FBXO9: variants seen among roughly 807,000 people sequenced by gnomAD.
The protein encoded by FBXO9 is F-box only protein 9.
In FBXO9, 43 loss-of-function variants were observed where a neutral mutation model predicts 63.7. The ratio of observed to expected loss-of-function variants is 0.67; its 90% CI spans 0.53 to 0.87. The LOEUF (loss-of-function observed/expected upper bound fraction) is 0.87. FBXO9 is among the 40% of genes least tolerant of loss of function. The probability of loss-of-function intolerance (pLI) is 0.00; values close to 1 mark genes in which losing one functional copy is unlikely to be tolerated. For synonymous variants in FBXO9, 156 were observed against 171.7 expected (o/e 0.91, Z 0.72); for missense variants, 442 against 533.2 (o/e 0.83, Z 1.68).
At chr6:53,070,416 C>A (rs949884475) in intron 1 of FBXO9, among the ~76,000 whole-genome samples, 2 of 152,064 alleles carry the variant, frequency 1.3e-5, no homozygotes, top group African/African-American at 4.8e-5. Context: ...AATCATAAAT[C>A]ATTTATGAAT....
In FBXO9 at chr6:53,095,715, G is replaced by A. The variant is rs1378965714; in HGVS notation, c.1205+51G>A. ...AGGTTACACTATAAATGTATACTTCGTATCCAGCTTAAGAATTTCAGATAT... is the reference window on the plus strand; with the variant it reads ...AGGTTACACTATAAATGTATACTTCATATCCAGCTTAAGAATTTCAGATAT... On this transcript the variant is annotated intron_variant, in intron 12 of 12. Coordinates refer to ENST00000323557, the MANE Select transcript of FBXO9 (RefSeq NM_033480.3). 12 of 1,461,506 alleles carry A rather than the reference G, an allele frequency of 8.2e-6. No homozygotes were observed. In the South Asian group the frequency reaches 9.3e-5, roughly 11 times the overall value. 90.5% of individuals were successfully genotyped at this position (1,461,506 alleles called of 1,614,324 possible).
intron 4 of FBXO9, among the ~76,000 whole-genome samples, chr6:53,078,460 A>C (rs1025714476): frequency 6.6e-6 from 1 of 152,186 alleles, no homozygotes; most frequent in Admixed American, 6.5e-5. Context: ...CCTTGTCTTA[A>C]AAAAGAGAGA....
intron 7 of FBXO9, among the ~76,000 whole-genome samples, chr6:53,089,184 C>G (rs528647635): frequency 6.6e-6 from 1 of 152,052 alleles, no homozygotes; most frequent in African/African-American, 2.4e-5. Flanking sequence ...ACACCATTCT[C>G]CTGCCTCAGC....
intron 1 of FBXO9, among the ~76,000 whole-genome samples, chr6:53,069,374 G>T (rs1240609377): frequency 1.3e-5 from 2 of 152,100 alleles, no homozygotes; most frequent in Non-Finnish European, 2.9e-5. Context: ...TCTGTTTTGG[G>T]ACTTGTAGAA....
intron 1 of FBXO9, 147 bp from the exon 2 acceptor site, chr6:53,070,910 C>T (rs1768893093): frequency 1.6e-5 from 21 of 1,288,934 alleles, no homozygotes; most frequent in African/African-American, 3.0e-5. Context: ...GTCTCAAGTG[C>T]CCCCTACAGC....
chr6:53,078,835 CT>C lies in FBXO9; in HGVS notation c.345del (p.Asp116IlefsTer2). The C allele has an allele frequency of 6.2e-7, 1 of 1,613,716 alleles. No individual in the cohort carries two copies. Among genetic ancestry groups the C allele is most frequent in the Non-Finnish European group, 8.5e-7 (1 of 1,179,688 alleles). ...KFYRRAMQLV[P>X]DIEFKITYTR... is the part of the protein sequence containing the mutation. The stretch of plus-strand genomic sequence containing the variant: ...TATCGTAGGGCTATGCAACTTGTAC[CT>C]GATATAGAGTTCAAGATTACTTATA... On this transcript the variant is annotated frameshift_variant, in exon 5 of 13. Transcript: ENST00000323557. LOFTEE classifies it high-confidence loss of function.
rs918192390 is a variant in FBXO9, at chr6:53,097,962, A to G, written c.*132A>G. 30 of 146,378 alleles carry G rather than the reference A, an allele frequency of 2.0e-4. 3 individuals are homozygous for G. The highest frequency in any genetic ancestry group is 7.0e-4 in the South Asian group (3 of 4,314). The allele number at this position is 146,378 out of a possible 1,614,324, so 9.1% of individuals were successfully genotyped here. ...TATATATATATATATATATATATATATATATATATATATGGAATTGGAACT... is the reference window on the plus strand; with the variant it reads ...TATATATATATATATATATATATATGTATATATATATATGGAATTGGAACT... On this transcript the variant is annotated 3_prime_UTR_variant, in exon 13 of 13. Coordinates refer to ENST00000323557, the MANE Select transcript of FBXO9 (RefSeq NM_033480.3).
At chr6:53,096,594 T>C (rs1296585029) in intron 12 of FBXO9, among the ~76,000 whole-genome samples, 2 of 152,196 alleles carry the variant, frequency 1.3e-5, no homozygotes, top group African/African-American at 4.8e-5. Flanking sequence ...GTGGGATTTT[T>C]TTTTTCTACT....
chr6:53,066,099 C>G, intron 1 of FBXO9: 1 of 1,184,154 alleles, frequency 8.4e-7, no homozygotes, highest in Admixed American at 4.5e-5. Flanking sequence ...TATATTGAAC[C>G]AGTCTCGGTC....
At chr6:53,075,952 C>T (rs780019026) in intron 3 of FBXO9, among the ~76,000 whole-genome samples, 2 of 151,694 alleles carry the variant, frequency 1.3e-5, no homozygotes, top group African/African-American at 2.4e-5. Flanking sequence ...TCTTGTTGGC[C>T]AGGCCAGTGT....
At chr6:53,086,920 G>C (rs1762905966) in intron 7 of FBXO9, among the ~76,000 whole-genome samples, 1 of 152,048 alleles carries the variant, frequency 6.6e-6, no homozygotes, top group Admixed American at 6.6e-5. Context: ...AGCTGGGTGT[G>C]GTGGTGCACG....
chr6:53,067,444 A>T (rs1335761286), intron 1 of FBXO9, among the ~76,000 whole-genome samples: 2 of 152,218 alleles, frequency 1.3e-5, no homozygotes, highest in East Asian at 3.8e-4. Flanking sequence ...AAAATGTTGA[A>T]AAATGCTTCT....
intron 6 of FBXO9, 77 bp from the exon 7 acceptor site, chr6:53,082,427 A>G: frequency 3.3e-6 from 3 of 904,280 alleles, no homozygotes; most frequent in Non-Finnish European, 5.3e-6. Flanking sequence ...CTAGGAAGGT[A>G]TAAATGTACT....
In FBXO9 at chr6:53,100,034, T is replaced by C. The variant is rs1196212966; in HGVS notation, c.*2204T>C. On this transcript the variant is annotated 3_prime_UTR_variant, in exon 13 of 13. Transcript: ENST00000323557. ...ACCAAGTTCAAATTTAAAGATTTCT[T>C]TGTAAGCAGTAAAGTGACTTTCACT... 1 of 152,248 alleles carries C rather than the reference T, an allele frequency of 6.6e-6. No homozygotes were observed. Among genetic ancestry groups the C allele is most frequent in the Non-Finnish European group, 1.5e-5 (1 of 68,038 alleles). 9.4% of individuals were successfully genotyped at this position (152,248 alleles called of 1,614,324 possible).
At chr6:53,080,236 A>G (rs140024626) in intron 5 of FBXO9, among the ~76,000 whole-genome samples, 75 of 150,620 alleles carry the variant, frequency 5.0e-4, no homozygotes, top group African/African-American at 1.8e-3. Flanking sequence ...TAGAATAGCC[A>G]TTGAGTCCAT....
At chr6:53,081,198 A>G in intron 6 of FBXO9, 100 bp downstream of exon 6, 2 of 1,102,980 alleles carry the variant, frequency 1.8e-6, no homozygotes, top group Non-Finnish European at 2.6e-6. Flanking sequence ...CTGCTGCTTT[A>G]GTTCAGAATA....
chr6:53,092,513 GAT>G lies in FBXO9; in HGVS notation c.739_740del (p.Met247ValfsTer10). The G allele has an allele frequency of 6.2e-7, 1 of 1,613,968 alleles. No homozygotes were observed. ...KLVPYTSWRE[M>X]FLERPRVRFD... The stretch of plus-strand genomic sequence containing the variant: ...TTGTTCCGTACACGTCCTGGAGAGA[GAT>G]GTTTTTAGAACGGCCTCGTGTTCGG... On this transcript the variant is annotated frameshift_variant, in exon 8 of 13. Transcript: ENST00000323557. LOFTEE classifies it high-confidence loss of function.
At chr6:53,092,569 T>A in intron 8 of FBXO9, 22 bp downstream of exon 8, 1 of 1,580,998 alleles carries the variant, frequency 6.3e-7, no homozygotes, top group Non-Finnish European at 8.7e-7. Context: ...TCTGTAGAAC[T>A]CAGCAGAAAT....
rs79844784 is a variant in FBXO9, at chr6:53,088,017, A to C, written c.654-4412A>C. 6.6e-5 allele frequency among the ~76,000 whole-genome samples: 10 copies of C among 152,230 alleles called. No individual in the cohort carries two copies. The East Asian group carries it at 1.9e-3, about 29-fold the overall frequency. On this transcript the variant is annotated intron_variant, in intron 7 of 12. Transcript: ENST00000323557. ...ATACCTTCCTCTTTCTTAACCAGTC[A>C]TTTTACTTTAGGACAAAAATCTACC...
Sources: allele counts gnomAD v4.1 joint callset (sites outside exome capture counted in the v4.1 genomes callset), GRCh38; gene constraint gnomAD v4.1.1; transcripts MANE v1.5; gene names NCBI Gene and HGNC (gene_info 2026-07-23, HGNC 2026-07-21).